CEP128: variants seen among roughly 807,000 people sequenced by gnomAD.
CEP128 encodes the protein centrosomal protein 128kDa.
A neutral mutation model predicts 156.7 loss-of-function variants in CEP128; 132 were observed. The observed-to-expected ratio is 0.84, with a 90% confidence interval of 0.73 to 0.97. The LOEUF is 0.97. CEP128 is among the 50% of genes least tolerant of loss of function. The pLI is 0.00. For synonymous variants in CEP128, 469 were observed against 448.9 expected (o/e 1.04, Z -0.57); for missense variants, 1,252 against 1,281.9 (o/e 0.98, Z 0.36).
At chr14:80,648,672 T>C (rs1208024644) in intron 19 of CEP128, among the ~76,000 whole-genome samples, 1 of 152,118 alleles carries the variant, frequency 6.6e-6, no homozygotes, top group Non-Finnish European at 1.5e-5. Context: ...GTGAAGGATA[T>C]AAGAGTGGTA....
chr14:80,667,407 A>C (rs959233359), intron 19 of CEP128, among the ~76,000 whole-genome samples: 2 of 152,192 alleles, frequency 1.3e-5, no homozygotes, highest in South Asian at 4.1e-4. Flanking sequence ...TGTGGGATAG[A>C]AGTAACTATA....
chr14:80,688,385 A>C (rs1240444780), intron 19 of CEP128, among the ~76,000 whole-genome samples: 2 of 152,156 alleles, frequency 1.3e-5, no homozygotes, highest in African/African-American at 4.8e-5. Flanking sequence ...CAGCCTTGCC[A>C]ACAAGTATAA....
intron 19 of CEP128, among the ~76,000 whole-genome samples, chr14:80,740,547 C>T (rs202128432): frequency 0.18 from 17,739 of 99,128 alleles, 1,629 homozygotes; most frequent in South Asian, 0.27. Context: ...GATAGATAGA[C>T]AGACAGATAG....
At chr14:80,872,030 A>C (rs1190461224) in intron 8 of CEP128, among the ~76,000 whole-genome samples, 1 of 152,186 alleles carries the variant, frequency 6.6e-6, no homozygotes, top group Non-Finnish European at 1.5e-5. Context: ...TTCTAAATGC[A>C]GTATTGACAG....
intron 2 of CEP128, among the ~76,000 whole-genome samples, chr14:80,917,616 G>A (rs1884632668): frequency 6.6e-6 from 1 of 152,114 alleles, no homozygotes. Flanking sequence ...TTGGCTCACT[G>A]CAACCTCCGC....
At chr14:80,693,493 T>C (rs1474294311) in intron 19 of CEP128, among the ~76,000 whole-genome samples, 2 of 151,980 alleles carry the variant, frequency 1.3e-5, no homozygotes, top group East Asian at 1.9e-4. Flanking sequence ...AAATCTAATT[T>C]TTCCTATATT....
At chr14:80,595,008 T>C (rs773852970) in intron 19 of CEP128, among the ~76,000 whole-genome samples, 4 of 152,186 alleles carry the variant, frequency 2.6e-5, no homozygotes, top group Admixed American at 1.3e-4. Flanking sequence ...CATTCTACTG[T>C]TAAAACACAT....
intron 19 of CEP128, among the ~76,000 whole-genome samples, chr14:80,733,964 G>T (rs1482457487): frequency 6.6e-6 from 1 of 152,048 alleles, no homozygotes; most frequent in African/African-American, 2.4e-5. Flanking sequence ...CAATATTTTT[G>T]TTTGCCCTTT....
At chr14:80,482,547 A>AAAAAACTGGC (rs1887076947) in intron 14 of CEP128, among the ~76,000 whole-genome samples, 3 of 152,328 alleles carry the variant, frequency 2.0e-5, no homozygotes, top group South Asian at 2.1e-4. Context: ...TATCTATACT[A>AAAAAACTGGC]AAAAACTGGC....
intron 19 of CEP128, among the ~76,000 whole-genome samples, chr14:80,727,454 G>T (rs1210155371): frequency 6.6e-6 from 1 of 151,880 alleles, no homozygotes; most frequent in African/African-American, 2.4e-5. Flanking sequence ...CCAAAAAAGA[G>T]ACCGAAAAAC....
At chr14:80,670,181 A>G (rs1407343937) in intron 19 of CEP128, among the ~76,000 whole-genome samples, 1 of 152,182 alleles carries the variant, frequency 6.6e-6, no homozygotes, top group Non-Finnish European at 1.5e-5. Flanking sequence ...CGCCTCAAAC[A>G]CTGGGGATTA....
chr14:80,570,815 G>A (rs1207176608), intron 20 of CEP128, among the ~76,000 whole-genome samples: 1 of 152,030 alleles, frequency 6.6e-6, no homozygotes, highest in African/African-American at 2.4e-5. Context: ...TAACTGCCCT[G>A]GAGCCTCTTC....
At chr14:80,612,840 T>G (rs1893047238) in intron 19 of CEP128, among the ~76,000 whole-genome samples, 1 of 151,108 alleles carries the variant, frequency 6.6e-6, no homozygotes, top group Non-Finnish European at 1.5e-5. Flanking sequence ...AGTGTTTTTT[T>G]GTTTTTGTTT....
chr14:80,625,535 T>A (rs115628300), intron 19 of CEP128, among the ~76,000 whole-genome samples: 1,959 of 152,262 alleles, frequency 0.013, 41 homozygotes, highest in African/African-American at 0.045. Context: ...CATCTGTAGA[T>A]TGCTTTGGGT....
intron 8 of CEP128, among the ~76,000 whole-genome samples, chr14:80,893,642 C>CA (rs1264049160): frequency 2.0e-5 from 3 of 151,388 alleles, no homozygotes; most frequent in Admixed American, 1.3e-4. Context: ...ATTTACAAAA[C>CA]AAAAAAAGTA....
chr14:80,692,182 G>A (rs1595227907), intron 19 of CEP128, among the ~76,000 whole-genome samples: 1 of 152,166 alleles, frequency 6.6e-6, no homozygotes, highest in East Asian at 1.9e-4. Context: ...TCAGCATATT[G>A]TTAAACTGAA....
intron 15 of CEP128, among the ~76,000 whole-genome samples, chr14:80,778,479 G>A (rs951439925): frequency 7.9e-5 from 12 of 152,288 alleles, no homozygotes; most frequent in African/African-American, 2.4e-4. Context: ...AAGTTCCCTC[G>A]TCTATAGATG....
chr14:80,837,374 C>T (rs900557903), intron 11 of CEP128, among the ~76,000 whole-genome samples: 33 of 152,298 alleles, frequency 2.2e-4, no homozygotes, highest in South Asian at 2.1e-4. Context: ...ACATCAGAAG[C>T]GCCAAACTCC....
intron 13 of CEP128, among the ~76,000 whole-genome samples, chr14:80,828,466 A>G (rs1012249474): frequency 3.9e-5 from 6 of 152,194 alleles, no homozygotes; most frequent in African/African-American, 1.4e-4. Context: ...TTACTTCAAG[A>G]GAGTGTGAGA....
Sources: gnomAD v4.1 joint callset for allele counts (sites outside exome capture counted in the v4.1 genomes callset) on GRCh38, gnomAD v4.1.1 for gene constraint, MANE v1.5 for transcripts, NCBI Gene and HGNC (gene_info 2026-07-23, HGNC 2026-07-21) for gene names.